The following CADM1 variants were observed in gnomAD, a reference collection of about 807,000 sequenced individuals.
CADM1 encodes the protein TSLC-1.
Under a neutral mutation model 53.1 loss-of-function variants are expected in CADM1, and 15 were observed. The ratio of observed to expected loss-of-function variants is 0.28; its 90% CI spans 0.19 to 0.44. The LOEUF (loss-of-function observed/expected upper bound fraction) is 0.44, where lower values mean the gene tolerates loss of function less well. Ranked by LOEUF, CADM1 falls within the 20% of genes least tolerant of loss-of-function variation. The pLI, the probability that CADM1 is intolerant of heterozygous loss-of-function variation, is 1.00. For synonymous variants in CADM1, 281 were observed against 243.0 expected, an observed-to-expected ratio of 1.16 and a Z score of -1.45; for missense variants, 434 against 611.3, an observed-to-expected ratio of 0.71 and a Z score of 3.06.
chr11:115,313,892 A>T (rs1239407860), intron 1 of CADM1, among the ~76,000 whole-genome samples: 1 of 152,174 alleles, frequency 6.6e-6, no homozygotes, highest in Non-Finnish European at 1.5e-5. Context: ...AGATGAAGCC[A>T]ACCCATCCAT....
chr11:115,299,198 G>T (rs1379542753), intron 1 of CADM1, among the ~76,000 whole-genome samples: 2 of 152,172 alleles, frequency 1.3e-5, no homozygotes, highest in Non-Finnish European at 2.9e-5. Context: ...GGCATAGACT[G>T]GGAAGACAAA....
At chr11:115,439,686 T>C (rs1948264660) in intron 1 of CADM1, among the ~76,000 whole-genome samples, 1 of 152,330 alleles carries the variant, frequency 6.6e-6, no homozygotes, top group South Asian at 2.1e-4. Context: ...TACGGGAAAT[T>C]GTCAGGTCGA....
chr11:115,388,388 CAA>C (rs1398513618), intron 1 of CADM1, among the ~76,000 whole-genome samples: 1 of 152,070 alleles, frequency 6.6e-6, no homozygotes, highest in African/African-American at 2.4e-5. Flanking sequence ...CAAGGATCAT[CAA>C]TAGATGTTAA....
At chr11:115,308,043 AAGG>A (rs1017986475) in intron 1 of CADM1, among the ~76,000 whole-genome samples, 4 of 151,838 alleles carry the variant, frequency 2.6e-5, no homozygotes, top group South Asian at 4.2e-4. Flanking sequence ...TAAAATTCAC[AAGG>A]AGAAGTAGAA....
chr11:115,449,438 T>G (rs1175222644), intron 1 of CADM1, among the ~76,000 whole-genome samples: 1 of 152,176 alleles, frequency 6.6e-6, no homozygotes, highest in Non-Finnish European at 1.5e-5. Context: ...TAAGCCACCT[T>G]CATTTCTTAA....
intron 1 of CADM1, among the ~76,000 whole-genome samples, chr11:115,366,782 G>A (rs1010489038): frequency 2.6e-5 from 4 of 151,962 alleles, no homozygotes; most frequent in Middle Eastern, 3.4e-3. Flanking sequence ...TATGACTTGA[G>A]TTACTCAAAG....
intron 1 of CADM1, among the ~76,000 whole-genome samples, chr11:115,271,439 C>T (rs1056215117): frequency 5.3e-5 from 8 of 152,092 alleles, no homozygotes; most frequent in African/African-American, 1.7e-4. Context: ...CCTACAACCA[C>T]GCCCAGCTAA....
Position 115,355,287 on chromosome 11 carries a change from G to T in CADM1, c.125-114867C>A, listed in dbSNP as rs568645123. Among the ~76,000 whole-genome samples the T allele has an allele frequency of 1.6e-4, 25 of 152,122 alleles. No homozygotes were observed. The South Asian group carries it at 4.6e-3, about 28-fold the overall frequency. ...TAGAATACTATGCAGCTATAAAAAA[G>T]AATGGATCATATCCTTGGCAGGAAC... On this transcript the variant is annotated intron_variant, in intron 1 of 11. Coordinates refer to ENST00000331581, the MANE Select transcript of CADM1 (RefSeq NM_001301043.2).
chr11:115,190,912 CT>C lies in CADM1; in HGVS notation c.1140del (p.Glu381AsnfsTer25). ...CCTGAGAGGTCCTCACTGTCCAGTT[CT>C]TCTGCGGAATTGGGCAACTGAGTAA... is the stretch of plus-strand genomic sequence containing the variant. ...HGLTQLPNSA[E>X]ELDSEDLSDS... On this transcript the variant is annotated frameshift_variant, in exon 10 of 12. Transcript: ENST00000331581. LOFTEE classifies it high-confidence loss of function. The C allele has an allele frequency of 6.3e-7, 1 of 1,595,288 alleles. No individual in the cohort carries two copies. The highest frequency in any genetic ancestry group is 1.1e-5 in the South Asian group (1 of 90,018).
At chr11:115,480,422 T>C (rs561094761) in intron 1 of CADM1, among the ~76,000 whole-genome samples, 1 of 152,318 alleles carries the variant, frequency 6.6e-6, no homozygotes, top group African/African-American at 2.4e-5. Flanking sequence ...TCCACTTGAA[T>C]AAGTCATTCA....
intron 1 of CADM1, among the ~76,000 whole-genome samples, chr11:115,423,248 T>C (rs1947804755): frequency 6.6e-6 from 1 of 152,178 alleles, no homozygotes; most frequent in African/African-American, 2.4e-5. Flanking sequence ...ATACATGATG[T>C]GACCGTATTT....
intron 10 of CADM1, among the ~76,000 whole-genome samples, chr11:115,187,733 G>T (rs576995352): frequency 6.6e-6 from 1 of 152,114 alleles, no homozygotes; most frequent in Non-Finnish European, 1.5e-5. Context: ...GAGCCATCGC[G>T]CCCAGCTAAA....
chr11:115,306,149 G>A (rs1303344749), intron 1 of CADM1, among the ~76,000 whole-genome samples: 3 of 146,678 alleles, frequency 2.0e-5, no homozygotes, highest in African/African-American at 7.5e-5. Context: ...ATGATGGACT[G>A]CATACAGGAT....
chr11:115,406,431 TC>T (rs1199528212), intron 1 of CADM1, among the ~76,000 whole-genome samples: 1 of 150,996 alleles, frequency 6.6e-6, no homozygotes, highest in Non-Finnish European at 1.5e-5. Context: ...AAATCCCATT[TC>T]CATAATAAAT....
intron 8 of CADM1, among the ~76,000 whole-genome samples, chr11:115,200,469 T>C (rs900653187): frequency 3.9e-5 from 6 of 152,244 alleles, no homozygotes; most frequent in African/African-American, 1.4e-4. Flanking sequence ...ATTATTTTTG[T>C]AGTAGCTCTT....
intron 5 of CADM1, among the ~76,000 whole-genome samples, chr11:115,219,001 C>T (rs1591615407): frequency 1.0e-5 from 1 of 99,144 alleles, no homozygotes; most frequent in Admixed American, 1.1e-4. Flanking sequence ...AACTAACAAG[C>T]TATTAATCCC....
chr11:115,358,123 C>A (rs1268608877), intron 1 of CADM1, among the ~76,000 whole-genome samples: 7 of 152,164 alleles, frequency 4.6e-5, no homozygotes, highest in African/African-American at 1.4e-4. Flanking sequence ...ATACTCATCA[C>A]TTCTAAAAAT....
chr11:115,266,225 C>G (rs1351212607), intron 1 of CADM1, among the ~76,000 whole-genome samples: 1 of 152,214 alleles, frequency 6.6e-6, no homozygotes, highest in African/African-American at 2.4e-5. Context: ...GTGCTCAAAA[C>G]AAAGGTAATA....
chr11:115,378,154 C>A (rs1946485614), intron 1 of CADM1, among the ~76,000 whole-genome samples: 1 of 152,136 alleles, frequency 6.6e-6, no homozygotes, highest in Non-Finnish European at 1.5e-5. Flanking sequence ...GGGCCAACAA[C>A]TTACAATTCA....
Sources: allele counts gnomAD v4.1 joint callset (sites outside exome capture counted in the v4.1 genomes callset), GRCh38; gene constraint gnomAD v4.1.1; transcripts MANE v1.5; gene names NCBI Gene and HGNC (gene_info 2026-07-23, HGNC 2026-07-21).